TBC1D14: variants seen among roughly 807,000 people sequenced by gnomAD.
TBC1D14 encodes TBC1 domain family member 14.
In TBC1D14, 26 loss-of-function variants were observed where a neutral mutation model predicts 79.0. The observed-to-expected ratio is 0.33, with a 90% CI of 0.24 to 0.46. The LOEUF is 0.46. Among genes scored for constraint, TBC1D14 ranks in the 20% least tolerant of loss-of-function variants. The pLI, the probability that TBC1D14 is intolerant of heterozygous loss-of-function variation, is 1.00. For missense variants in TBC1D14, 769 were observed against 887.6 expected (o/e 0.87, Z 1.70); for synonymous variants, 394 against 349.9 (o/e 1.13, Z -1.40).
chr4:7,008,957 G>A (rs1345943776), intron 9 of TBC1D14, among the ~76,000 whole-genome samples: 5 of 152,202 alleles, frequency 3.3e-5, no homozygotes, highest in Non-Finnish European at 7.3e-5. Flanking sequence ...AGGCCTGGAT[G>A]CTGGCATTTT....
intron 2 of TBC1D14, among the ~76,000 whole-genome samples, chr4:6,945,788 A>G (rs1174532379): frequency 2.1e-5 from 3 of 146,136 alleles, no homozygotes; most frequent in African/African-American, 7.6e-5. Context: ...AAAAAAGATG[A>G]AAGAAAGCAT....
At chr4:6,954,933 C>G (rs73199996) in intron 2 of TBC1D14, among the ~76,000 whole-genome samples, 3,248 of 152,364 alleles carry the variant, frequency 0.021, 54 homozygotes, top group Non-Finnish European at 0.034. Flanking sequence ...TCAGTTGCTA[C>G]TTGAGTAGCA....
chr4:6,987,082 CG>C, intron 3 of TBC1D14: 1 of 963,104 alleles, frequency 1.0e-6, no homozygotes, highest in Non-Finnish European at 1.3e-6. Flanking sequence ...GCCCCAGCCC[CG>C]CCCCTTGTGC....
intron 2 of TBC1D14, among the ~76,000 whole-genome samples, chr4:6,931,786 TTGAC>T (rs1333362702): frequency 6.6e-6 from 1 of 151,012 alleles, no homozygotes; most frequent in African/African-American, 2.4e-5. Context: ...TAAAAAAAAA[TTGAC>T]TGAGCACCTG....
At chr4:6,910,729 C>G (rs1445131631) in intron 1 of TBC1D14, 3 of 152,218 alleles carry the variant, frequency 2.0e-5, no homozygotes, top group Non-Finnish European at 4.4e-5. Context: ...CCAGCCTCTG[C>G]GAGCCCCGGG....
chr4:6,945,414 C>T (rs889031964), intron 2 of TBC1D14, among the ~76,000 whole-genome samples: 1 of 151,986 alleles, frequency 6.6e-6, no homozygotes, highest in Non-Finnish European at 1.5e-5. Flanking sequence ...TCACTGTCCA[C>T]GGAAAGGGCT....
At chr4:6,924,640 G>A (rs1392232619) in intron 2 of TBC1D14, among the ~76,000 whole-genome samples, 9 of 126,270 alleles carry the variant, frequency 7.1e-5, no homozygotes, top group African/African-American at 2.0e-4. Context: ...CTGCACTGCA[G>A]CCCCATGCAT....
intron 2 of TBC1D14, among the ~76,000 whole-genome samples, chr4:6,952,999 G>C (rs144565246): frequency 6.8e-6 from 1 of 147,388 alleles, no homozygotes; most frequent in African/African-American, 2.5e-5. Context: ...CCACTGTCAC[G>C]CCTAGCTAAC....
rs567245986 is a variant in TBC1D14 at position 6,972,143 on chromosome 4, A to G, written c.843+4719A>G. On this transcript the variant is annotated intron_variant, in intron 3 of 13. Transcript: ENST00000409757. ...ATTCCATGGCCCTTTTGTTTGTTTC[A>G]CAGATTTGAGCCTCTGAGTAGATCC... Among the ~76,000 whole-genome samples the G allele has an allele frequency of 4.6e-5, 7 of 152,150 alleles. No individual in the cohort carries two copies. The South Asian group carries it at 1.5e-3, about 32-fold the overall frequency.
chr4:6,939,731 C>T (rs961274169), intron 2 of TBC1D14, among the ~76,000 whole-genome samples: 21 of 71,744 alleles, frequency 2.9e-4, no homozygotes, highest in African/African-American at 1.1e-3. Flanking sequence ...GGCAGAGTTC[C>T]TGAGGAGAGG....
chr4:6,981,890 A>G (rs1188489103), intron 3 of TBC1D14, among the ~76,000 whole-genome samples: 7 of 152,240 alleles, frequency 4.6e-5, no homozygotes, highest in Non-Finnish European at 1.0e-4. Flanking sequence ...AAGAGCATCT[A>G]CAGGAAACAG....
In TBC1D14 at chr4:6,961,131, A is replaced by G. The variant is rs1182625315; in HGVS notation, c.723-6173A>G. Among the ~76,000 whole-genome samples, 9 of 152,212 alleles carry G rather than the reference A, an allele frequency of 5.9e-5. No individual in the cohort carries two copies. The South Asian group carries it at 1.9e-3, about 32-fold the overall frequency. Reference sequence around the variant, plus strand: ...CCCTGTCTTTTCCCCATTACTTTGCAAGTCATTGGAGAAACGCCCCAGGGA... The same window carrying G: ...CCCTGTCTTTTCCCCATTACTTTGCGAGTCATTGGAGAAACGCCCCAGGGA... On this transcript the variant is annotated intron_variant, in intron 2 of 13. Coordinates refer to ENST00000409757, the MANE Select transcript of TBC1D14 (RefSeq NM_020773.3).
chr4:6,929,936 C>T (rs952981841), intron 2 of TBC1D14, among the ~76,000 whole-genome samples: 15 of 152,142 alleles, frequency 9.9e-5, no homozygotes, highest in Middle Eastern at 3.2e-3. Context: ...TGCAGAGCTG[C>T]GATTTGAACA....
intron 11 of TBC1D14, among the ~76,000 whole-genome samples, chr4:7,011,013 A>T (rs1221798486): frequency 6.6e-6 from 1 of 152,208 alleles, no homozygotes; most frequent in Non-Finnish European, 1.5e-5. Flanking sequence ...TTCTCTCAGA[A>T]AAACATTACC....
At chr4:7,009,856 T>C (rs1416315747) in intron 9 of TBC1D14, 21 bp from the exon 10 acceptor site, 1 of 1,614,070 alleles carries the variant, frequency 6.2e-7, no homozygotes, top group East Asian at 2.2e-5. Context: ...TGTGTTGTTT[T>C]TGCTGTGTTG....
intron 2 of TBC1D14, among the ~76,000 whole-genome samples, chr4:6,936,296 G>A (rs1033630623): frequency 6.6e-6 from 1 of 152,204 alleles, no homozygotes; most frequent in Non-Finnish European, 1.5e-5. Context: ...CAAATCCTCT[G>A]TGATCCACCT....
At chr4:6,949,983 T>G (rs1018607063) in intron 2 of TBC1D14, among the ~76,000 whole-genome samples, 10 of 152,126 alleles carry the variant, frequency 6.6e-5, no homozygotes, top group African/African-American at 2.4e-4. Context: ...GTTGTGGTTG[T>G]TTGTTGCACC....
intron 11 of TBC1D14, 86 bp downstream of exon 11, chr4:7,010,867 A>G (rs1354749313): frequency 1.4e-6 from 2 of 1,467,168 alleles, no homozygotes; most frequent in African/African-American, 2.8e-5. Flanking sequence ...GGTGGAAAAA[A>G]AGAATACATT....
At chr4:7,010,061 A>T in intron 10 of TBC1D14, 113 bp downstream of exon 10, 1 of 1,187,382 alleles carries the variant, frequency 8.4e-7, no homozygotes, top group South Asian at 1.2e-5. Context: ...TTTGCCGAGG[A>T]GTATGAAAAG....
Sources: allele counts gnomAD v4.1 joint callset (sites outside exome capture counted in the v4.1 genomes callset), GRCh38; gene constraint gnomAD v4.1.1; transcripts MANE v1.5; gene names NCBI Gene and HGNC (gene_info 2026-07-23, HGNC 2026-07-21).